Variants in PCDHA3 observed in about 807,000 individuals in gnomAD.
PCDHA3 encodes protocadherin alpha-3.
A neutral mutation model predicts 62.2 loss-of-function variants in PCDHA3; 41 were observed. The ratio of observed to expected loss-of-function variants is 0.66; its 90% CI spans 0.51 to 0.86. The LOEUF (loss-of-function observed/expected upper bound fraction) is 0.86, where lower values mean the gene tolerates loss of function less well. Ranked by LOEUF, PCDHA3 falls within the 40% of genes least tolerant of loss-of-function variation. The pLI is 0.00. For missense variants in PCDHA3, 1,304 were observed against 1,241.2 expected, an observed-to-expected ratio of 1.05 and a Z score of -0.76; for synonymous variants, 640 against 555.4, an observed-to-expected ratio of 1.15 and a Z score of -2.14.
At chr5:140,867,507 C>A (rs190699676) in intron 1 of PCDHA3, 36 of 152,086 alleles carry the variant, frequency 2.4e-4, no homozygotes, top group African/African-American at 7.5e-4. Context: ...AGAACAAAAT[C>A]TCAAATTAAT....
intron 1 of PCDHA3, among the ~76,000 whole-genome samples, chr5:140,827,478 A>G (rs1477917338): frequency 6.6e-6 from 1 of 152,232 alleles, no homozygotes; most frequent in Non-Finnish European, 1.5e-5. Context: ...TTATTGAACA[A>G]AGAAAGCATG....
At chr5:140,853,269 C>G (rs1458321470) in intron 1 of PCDHA3, 2 of 975,966 alleles carry the variant, frequency 2.0e-6, no homozygotes, top group African/African-American at 1.8e-5. Flanking sequence ...AGAGTACAAG[C>G]TCTCATCATA....
At chr5:141,006,678 T>C (rs1554260866) in intron 3 of PCDHA3, among the ~76,000 whole-genome samples, 1 of 151,754 alleles carries the variant, frequency 6.6e-6, no homozygotes, top group Non-Finnish European at 1.5e-5. Flanking sequence ...GCAGTGAAAA[T>C]TGGGAGAAGA....
Position 140,883,556 on chromosome 5 carries a change from G to C in PCDHA3, c.2394+79965G>C, listed in dbSNP as rs144498761. ...TGAACTGGTGGTGACCGCGCGGGAC[G>C]GGGGCTCGCCTTCGCTGTGGGCCAC... On this transcript the variant is annotated intron_variant, in intron 1 of 3. Transcript: ENST00000522353. The C allele has an allele frequency of 2.1e-4, 339 of 1,614,184 alleles. 1 individual carries two copies. In the Middle Eastern group the frequency reaches 8.9e-3, roughly 42 times the overall value.
chr5:140,886,097 A>G (rs1341108712), intron 1 of PCDHA3, among the ~76,000 whole-genome samples: 1 of 152,214 alleles, frequency 6.6e-6, no homozygotes, highest in Non-Finnish European at 1.5e-5. Context: ...ATTGACATTG[A>G]TACAGTAAAG....
chr5:140,819,658 A>T (rs1010317649), intron 1 of PCDHA3, among the ~76,000 whole-genome samples: 5 of 152,142 alleles, frequency 3.3e-5, no homozygotes, highest in African/African-American at 1.2e-4. Context: ...GGAATATTCA[A>T]AATAAGAGTT....
rs1762630900 is a variant in PCDHA3 at position 140,801,057 on chromosome 5, A to C, written c.-141A>C. 1 of 1,449,086 alleles carries C rather than the reference A, an allele frequency of 6.9e-7. No individual in the cohort carries two copies. Among genetic ancestry groups the C allele is most frequent in the East Asian group, 2.4e-5 (1 of 41,602 alleles). 89.8% of individuals were successfully genotyped at this position (1,449,086 alleles called of 1,614,324 possible). A position where few individuals can be genotyped will look rare whatever the true frequency, so the allele number is the denominator to read the frequency against. ...CTCCACAAAAGAAATAACAGCGTGCATTACGTATTCAGATACTGCTTTGCT... is the reference window on the plus strand; with the variant it reads ...CTCCACAAAAGAAATAACAGCGTGCCTTACGTATTCAGATACTGCTTTGCT... On this transcript the variant is annotated 5_prime_UTR_variant, in exon 1 of 4. Coordinates refer to ENST00000522353, the MANE Select transcript of PCDHA3 (RefSeq NM_018906.3).
chr5:140,987,453 A>C (rs2097255093), intron 3 of PCDHA3, among the ~76,000 whole-genome samples: 1 of 152,106 alleles, frequency 6.6e-6, no homozygotes, highest in South Asian at 2.1e-4. Context: ...CCGAGAGATA[A>C]TTGTTAAGAG....
intron 1 of PCDHA3, chr5:140,926,908 G>A: frequency 6.4e-7 from 1 of 1,560,434 alleles, no homozygotes; most frequent in South Asian, 1.2e-5. Context: ...GGGCTGTGGG[G>A]TGGCAGTTTT....
chr5:140,884,116 C>T (rs1554181240), intron 1 of PCDHA3: 2 of 1,613,304 alleles, frequency 1.2e-6, no homozygotes, highest in South Asian at 2.2e-5. Context: ...TGGCGGCGGT[C>T]GGCGCGCGCA....
At chr5:140,829,720 G>T (rs2150173361) in intron 1 of PCDHA3, 2 of 1,613,502 alleles carry the variant, frequency 1.2e-6, no homozygotes, top group East Asian at 2.2e-5. Context: ...CGGGCGTGCC[G>T]CCTCTGGGCA....
At chr5:140,834,402 T>G in intron 1 of PCDHA3, 1 of 1,606,068 alleles carries the variant, frequency 6.2e-7, no homozygotes, top group East Asian at 2.2e-5. Context: ...CCCGAATGGA[T>G]ACGACCCAGG....
intron 1 of PCDHA3, among the ~76,000 whole-genome samples, chr5:140,945,046 A>T (rs2093731107): frequency 6.6e-6 from 1 of 152,192 alleles, no homozygotes; most frequent in Non-Finnish European, 1.5e-5. Flanking sequence ...TTGGTCTTAT[A>T]TAAAGAAAAC....
Position 140,943,173 on chromosome 5 carries a change from G to A in PCDHA3, c.2395-35776G>A, listed in dbSNP as rs143950290. On this transcript the variant is annotated intron_variant, in intron 1 of 3. Coordinates refer to ENST00000522353, the MANE Select transcript of PCDHA3 (RefSeq NM_018906.3). ...CTCTGGAGGCTGAGGCAGGAAAATC[G>A]CTTGAACCCTGGAGGTGGAGGCTGC... is the stretch of plus-strand genomic sequence containing the variant. Among the ~76,000 whole-genome samples the A allele has an allele frequency of 5.6e-3, 834 of 148,712 alleles. 7 individuals are homozygous for A. Among genetic ancestry groups the A allele is most frequent in the African/African-American group, 0.019 (751 of 40,052 alleles).
intron 1 of PCDHA3, chr5:140,862,463 G>C (rs2047375519): frequency 2.7e-6 from 1 of 370,738 alleles, no homozygotes. Flanking sequence ...TGGACCAAGA[G>C]AGCAAATCTA....
intron 1 of PCDHA3, chr5:140,834,304 A>C: frequency 7.6e-7 from 1 of 1,322,818 alleles, no homozygotes; most frequent in Non-Finnish European, 1.0e-6. Context: ...ACACATCGAG[A>C]TTGAAATGAA....
At chr5:140,936,869 A>C (rs1249048598) in intron 1 of PCDHA3, among the ~76,000 whole-genome samples, 3 of 152,168 alleles carry the variant, frequency 2.0e-5, no homozygotes, top group Non-Finnish European at 4.4e-5. Context: ...TTCTATTTTA[A>C]AAAACCCTGC....
intron 1 of PCDHA3, among the ~76,000 whole-genome samples, chr5:140,937,928 G>T (rs997116789): frequency 4.0e-5 from 6 of 148,604 alleles, no homozygotes; most frequent in Non-Finnish European, 8.9e-5. Context: ...AAAAAAAAAA[G>T]TTTAATTTGA....
chr5:140,928,569 G>A (rs2085338493), intron 1 of PCDHA3: 2 of 1,614,202 alleles, frequency 1.2e-6, no homozygotes, highest in Non-Finnish European at 1.7e-6. Flanking sequence ...TGTTTCCCTT[G>A]CCCAGAAATG....
Sources: allele counts gnomAD v4.1 joint callset (sites outside exome capture counted in the v4.1 genomes callset), GRCh38; gene constraint gnomAD v4.1.1; transcripts MANE v1.5; gene names NCBI Gene and HGNC (gene_info 2026-07-23, HGNC 2026-07-21).